The following ABI1 variants were observed in gnomAD, a reference collection of about 807,000 sequenced individuals.
ABI1 encodes the protein Abelson interactor 1.
ABI1 carries 14 observed loss-of-function variants against 54.6 expected under a neutral mutation model. That is an observed-to-expected ratio of 0.26 (90% CI 0.17 to 0.40). The LOEUF (loss-of-function observed/expected upper bound fraction) is 0.40, where lower values mean the gene tolerates loss of function less well. ABI1 is among the 10% of genes least tolerant of loss of function. The pLI is 1.00. For synonymous variants in ABI1, 194 were observed against 209.3 expected (o/e 0.93, Z 0.63); for missense variants, 443 against 598.3 (o/e 0.74, Z 2.71).
intron 2 of ABI1, among the ~76,000 whole-genome samples, chr10:26,782,854 C>G (rs936887097): frequency 6.6e-6 from 1 of 152,022 alleles, no homozygotes; most frequent in African/African-American, 2.4e-5. Context: ...TGGTTACTAT[C>G]AAAAAAATCA....
rs765567677 is a variant in ABI1 at position 26,770,488 on chromosome 10, TA to T, written c.478-144del. The T allele has an allele frequency of 3.3e-6, 3 of 900,374 alleles. No homozygotes were observed. The South Asian group carries it at 3.9e-5, about 12-fold the overall frequency. 55.8% of individuals were successfully genotyped at this position (900,374 alleles called of 1,614,324 possible). ...GAATAAAGACTTTGGTACTACAGTT[TA>T]AAAAGTCAAGGAACCACTTGCACTT... On this transcript the variant is annotated intron_variant, in intron 4 of 10. Transcript: ENST00000376140.
intron 2 of ABI1, among the ~76,000 whole-genome samples, chr10:26,808,799 A>C (rs934739310): frequency 6.6e-6 from 1 of 152,070 alleles, no homozygotes; most frequent in African/African-American, 2.4e-5. Context: ...CAGATTAATA[A>C]ATTGTTTTTA....
intron 7 of ABI1, among the ~76,000 whole-genome samples, chr10:26,760,532 C>G (rs528814600): frequency 9.8e-5 from 15 of 152,290 alleles, no homozygotes; most frequent in Admixed American, 6.5e-4. Context: ...AAATAATTGT[C>G]TATTCAAAAG....
chr10:26,824,891 T>G (rs142016926), intron 1 of ABI1, among the ~76,000 whole-genome samples: 1 of 152,254 alleles, frequency 6.6e-6, no homozygotes, highest in South Asian at 2.1e-4. Flanking sequence ...GTTATGTTTA[T>G]ATTATGCTGT....
chr10:26,765,091 C>CTAA lies in ABI1; in HGVS notation c.820+126_820+127insTTA. On this transcript the variant is annotated intron_variant, in intron 7 of 10. Coordinates refer to ENST00000376140, the MANE Select transcript of ABI1 (RefSeq NM_001012750.3). ...AAATATTGTTAACTTTGTTATCAGC[C>CTAA]TTTATTCTAGCAACGATCACAAATT... 4.4e-6 allele frequency: 3 copies of CTAA among 686,536 alleles called. No homozygotes were observed. The Admixed American group carries it at 1.0e-4, about 24-fold the overall frequency. The allele number at this position is 686,536 out of a possible 1,614,324, so 42.5% of individuals were successfully genotyped here. A position where few individuals can be genotyped will look rare whatever the true frequency, so the allele number is the denominator to read the frequency against.
chr10:26,786,944 C>T (rs1050347040), intron 2 of ABI1, among the ~76,000 whole-genome samples: 1 of 152,210 alleles, frequency 6.6e-6, no homozygotes, highest in Non-Finnish European at 1.5e-5. Context: ...TGTTCAAAAT[C>T]AAACACACAG....
At chr10:26,771,180 C>CAAT in intron 3 of ABI1, 91 bp from the exon 4 acceptor site, 1 of 1,374,990 alleles carries the variant, frequency 7.3e-7, no homozygotes, top group Non-Finnish European at 1.0e-6. Flanking sequence ...TACAGTTACT[C>CAAT]AATTCATGTT....
rs2132342295 is a variant in ABI1, at chr10:26,746,695, A to ATT, written c.*1873_*1874dup. 1.5e-5 allele frequency: 8 copies of ATT among 529,134 alleles called. No homozygotes were observed. The highest frequency in any genetic ancestry group is 1.4e-4 in the South Asian group (7 of 48,970). The allele number at this position is 529,134 out of a possible 1,614,324, so 32.8% of individuals were successfully genotyped here. A position where few individuals can be genotyped will look rare whatever the true frequency, so the allele number is the denominator to read the frequency against. On this transcript the variant is annotated 3_prime_UTR_variant, in exon 11 of 11. Transcript: ENST00000376140. Reference sequence around the variant, plus strand: ...TGAATCTGTCATTCTAGTCCTATAAATTATAATCAAGGTATCTTGATGGTT... The same window carrying ATT: ...TGAATCTGTCATTCTAGTCCTATAAATTTTATAATCAAGGTATCTTGATGGTT...
intron 8 of ABI1, among the ~76,000 whole-genome samples, chr10:26,757,719 G>A (rs570892043): frequency 1.3e-5 from 2 of 152,146 alleles, no homozygotes; most frequent in East Asian, 3.9e-4. Context: ...CTGATAAAGT[G>A]GTTTTCAATT....
chr10:26,825,617 T>C (rs2048262911), intron 1 of ABI1, among the ~76,000 whole-genome samples: 1 of 152,146 alleles, frequency 6.6e-6, no homozygotes, highest in African/African-American at 2.4e-5. Flanking sequence ...GCTGAGACCG[T>C]GCCACCGTAC....
intron 2 of ABI1, among the ~76,000 whole-genome samples, chr10:26,802,851 C>T (rs1449541443): frequency 6.6e-6 from 1 of 152,186 alleles, no homozygotes; most frequent in Non-Finnish European, 1.5e-5. Flanking sequence ...TGCTTCCAAT[C>T]TACCTGTTTT....
chr10:26,805,588 T>C (rs1231160554), intron 2 of ABI1, among the ~76,000 whole-genome samples: 1 of 152,216 alleles, frequency 6.6e-6, no homozygotes, highest in Admixed American at 6.5e-5. Flanking sequence ...TGAGGCAGAA[T>C]GCAGGCTTAG....
chr10:26,751,187 A>C (rs1837579080), intron 10 of ABI1, among the ~76,000 whole-genome samples: 1 of 152,224 alleles, frequency 6.6e-6, no homozygotes, highest in Admixed American at 6.5e-5. Context: ...ATAAAGTTGA[A>C]AAGATCCTAA....
chr10:26,777,914 C>A (rs1243606508), intron 2 of ABI1, among the ~76,000 whole-genome samples: 1 of 152,036 alleles, frequency 6.6e-6, no homozygotes, highest in African/African-American at 2.4e-5. Context: ...GAGGCAAGTG[C>A]TATAATGACA....
intron 2 of ABI1, among the ~76,000 whole-genome samples, chr10:26,782,661 TG>T (rs1390818359): frequency 6.7e-6 from 1 of 149,944 alleles, no homozygotes; most frequent in Admixed American, 6.7e-5. Flanking sequence ...AGTCAGAGGC[TG>T]CAGTGAGCTG....
intron 7 of ABI1, among the ~76,000 whole-genome samples, chr10:26,762,897 G>A (rs896704852): frequency 3.9e-5 from 6 of 152,164 alleles, no homozygotes; most frequent in Admixed American, 6.5e-5. Context: ...ACTTTCTGAA[G>A]TGAGTGTATA....
At chr10:26,843,493 T>A (rs1288342412) in intron 1 of ABI1, among the ~76,000 whole-genome samples, 291 of 52,676 alleles carry the variant, frequency 5.5e-3, no homozygotes, top group Middle Eastern at 0.034. Context: ...AAAATATATA[T>A]ATATATATAT....
At chr10:26,754,745 A>T (rs1838075619) in intron 9 of ABI1, among the ~76,000 whole-genome samples, 1 of 152,238 alleles carries the variant, frequency 6.6e-6, no homozygotes, top group African/African-American at 2.4e-5. Context: ...CAAATGAAGT[A>T]AATTAAAAAT....
At position 26,775,238 on chromosome 10, in the gene ABI1, C is replaced by G. The variant is rs183017590; in HGVS notation, c.462+1827G>C. ...AGAAAATAAAGCAGCATTAAGACTA[C>G]TGGGGAAAAGTAATTGTATGTATGT... On this transcript the variant is annotated intron_variant, in intron 3 of 10. Transcript: ENST00000376140. Among the ~76,000 whole-genome samples, 141 of 152,178 alleles carry G rather than the reference C, an allele frequency of 9.3e-4. 1 individual carries two copies. Among genetic ancestry groups the G allele is most frequent in the South Asian group, 5.6e-3 (27 of 4,828 alleles).
Sources: gnomAD v4.1 joint callset for allele counts (sites outside exome capture counted in the v4.1 genomes callset) on GRCh38, gnomAD v4.1.1 for gene constraint, MANE v1.5 for transcripts, NCBI Gene and HGNC (gene_info 2026-07-23, HGNC 2026-07-21) for gene names.